The following SINHCAF variants were observed in gnomAD, a reference collection of about 807,000 sequenced individuals.
SINHCAF encodes SIN3-HDAC complex-associated factor.
In SINHCAF, 3 loss-of-function variants were observed where a neutral mutation model predicts 25.8. The observed-to-expected ratio is 0.12, with a 90% confidence interval of 0.05 to 0.30. The LOEUF (loss-of-function observed/expected upper bound fraction) is 0.30. Among genes scored for constraint, SINHCAF ranks in the 10% least tolerant of loss-of-function variants. The probability of loss-of-function intolerance (pLI) is 1.00; values close to 1 mark genes in which losing one functional copy is unlikely to be tolerated. For missense variants in SINHCAF, 121 were observed against 262.3 expected, an observed-to-expected ratio of 0.46 and a Z score of 3.72; for synonymous variants, 70 against 85.5, an observed-to-expected ratio of 0.82 and a Z score of 1.00.
intron 1 of SINHCAF, among the ~76,000 whole-genome samples, chr12:31,317,365 T>C (rs996501232): frequency 6.6e-6 from 1 of 151,582 alleles, no homozygotes; most frequent in Admixed American, 6.6e-5. Flanking sequence ...CACAAGATAG[T>C]TGAAGTGACT....
Position 31,325,241 on chromosome 12 carries a change from G to A in SINHCAF, c.-21+783C>T, listed in dbSNP as rs1469363812. 4.4e-6 allele frequency: 2 copies of A among 456,782 alleles called. No individual in the cohort carries two copies. Among genetic ancestry groups the A allele is most frequent in the East Asian group, 1.4e-4 (2 of 14,394 alleles). 28.3% of individuals were successfully genotyped at this position (456,782 alleles called of 1,614,324 possible). A position where few individuals can be genotyped will look rare whatever the true frequency, so the allele number is the denominator to read the frequency against. The stretch of plus-strand genomic sequence containing the variant: ...GTGAACGCACCGGGAGCAAAACTTC[G>A]GGCTCCGAAAGCACCCCGGACACCA... On this transcript the variant is annotated intron_variant, in intron 1 of 5. Transcript: ENST00000337682. This position sits in a 1 kb window ranked among gnomAD's most constrained non-coding sequence, Gnocchi z 5.9.
At chr12:31,300,015 T>C (rs1022777382) in intron 1 of SINHCAF, among the ~76,000 whole-genome samples, 2 of 152,234 alleles carry the variant, frequency 1.3e-5, no homozygotes, top group African/African-American at 2.4e-5. Context: ...CACCATCATA[T>C]ATGCAGTCTG....
chr12:31,298,850 TTAA>T (rs1277687604), intron 1 of SINHCAF, among the ~76,000 whole-genome samples: 2 of 152,084 alleles, frequency 1.3e-5, no homozygotes, highest in African/African-American at 4.8e-5. Context: ...AGGTTAGAAT[TTAA>T]TAATAATAAT....
At chr12:31,298,352 A>C in intron 1 of SINHCAF, 128 bp from the exon 2 acceptor site, 12 of 1,013,000 alleles carry the variant, frequency 1.2e-5, no homozygotes, top group Non-Finnish European at 1.4e-5. Context: ...CAGGCAGCTC[A>C]AGGGAAGACC....
At position 31,326,049 on chromosome 12, in the gene SINHCAF, C is replaced by T. The variant is rs899543050; in HGVS notation, c.-46G>A. 1 of 152,276 alleles carries T rather than the reference C, an allele frequency of 6.6e-6. No individual in the cohort carries two copies. Among genetic ancestry groups the T allele is most frequent in the African/African-American group, 2.4e-5 (1 of 41,446 alleles). 9.4% of individuals were successfully genotyped at this position (152,276 alleles called of 1,614,324 possible). ...CTTCCAAAAGCAGCCGTTCCACGCG[C>T]AATAATGTCCCCGAGGTGCGGAGTG... On this transcript the variant is annotated 5_prime_UTR_variant, in exon 1 of 6. Transcript: ENST00000337682.
rs376996705 is a variant in SINHCAF at position 31,282,691 on chromosome 12, C to T, written c.*21G>A. On this transcript the variant is annotated 3_prime_UTR_variant, in exon 6 of 6. Transcript: ENST00000337682. ...ATTCAGATATTTTTTTTTTTGTTCC[C>T]CTTCTACATAAAAACCTCAGTCACC... The T allele has an allele frequency of 2.0e-5, 31 of 1,525,666 alleles. No homozygotes were observed. The East Asian group carries it at 2.8e-4, about 14-fold the overall frequency. 94.5% of individuals were successfully genotyped at this position (1,525,666 alleles called of 1,614,324 possible). A position where few individuals can be genotyped will look rare whatever the true frequency, so the allele number is the denominator to read the frequency against.
chr12:31,286,355 C>A (rs915090489), intron 5 of SINHCAF, among the ~76,000 whole-genome samples: 1 of 152,030 alleles, frequency 6.6e-6, no homozygotes, highest in Non-Finnish European at 1.5e-5. Context: ...GAAGACAACA[C>A]CTTCCTTTAG....
At chr12:31,309,206 G>A (rs1205822840) in intron 1 of SINHCAF, among the ~76,000 whole-genome samples, 1 of 150,936 alleles carries the variant, frequency 6.6e-6, no homozygotes, top group African/African-American at 2.4e-5. Flanking sequence ...AGGTTAAGAA[G>A]CACTGGATAT....
At chr12:31,323,719 G>A (rs1592997277) in intron 1 of SINHCAF, among the ~76,000 whole-genome samples, 2 of 149,510 alleles carry the variant, frequency 1.3e-5, no homozygotes, top group East Asian at 4.0e-4. Flanking sequence ...AACACACAAA[G>A]AAACTGGCCG....
At chr12:31,298,489 G>A in intron 1 of SINHCAF, 2 of 366,978 alleles carry the variant, frequency 5.4e-6, no homozygotes, top group Non-Finnish European at 5.1e-6. Flanking sequence ...CTAAAAATGG[G>A]GAAGAGAAGC....
intron 1 of SINHCAF, chr12:31,303,119 T>C (rs1411815536): frequency 1.9e-5 from 19 of 985,420 alleles, no homozygotes; most frequent in Non-Finnish European, 2.3e-5. Flanking sequence ...TGCCTATTTA[T>C]GGGAGGTTCT....
chr12:31,285,412 T>TACAC (rs1259370271), intron 5 of SINHCAF, among the ~76,000 whole-genome samples: 10 of 66,464 alleles, frequency 1.5e-4, no homozygotes, highest in African/African-American at 7.0e-4. Flanking sequence ...TATTTATATA[T>TACAC]ATACATACAC....
At chr12:31,305,813 C>T (rs1300673686) in intron 1 of SINHCAF, among the ~76,000 whole-genome samples, 2 of 151,662 alleles carry the variant, frequency 1.3e-5, no homozygotes, top group African/African-American at 2.4e-5. Flanking sequence ...GATTCTCCTG[C>T]CTCAGCCTCC....
chr12:31,306,422 C>T (rs1043990804), intron 1 of SINHCAF, among the ~76,000 whole-genome samples: 22 of 152,112 alleles, frequency 1.4e-4, no homozygotes, highest in African/African-American at 5.3e-4. Flanking sequence ...AAATGTGTTC[C>T]ATGAGGGGTA....
intron 5 of SINHCAF, 97 bp from the exon 6 acceptor site, chr12:31,282,968 A>G: frequency 1.1e-6 from 1 of 889,086 alleles, no homozygotes; most frequent in Non-Finnish European, 1.6e-6. Context: ...CAATATAACC[A>G]AAGAGTTGTG....
chr12:31,295,764 C>T (rs980636108), intron 2 of SINHCAF, among the ~76,000 whole-genome samples: 17 of 151,554 alleles, frequency 1.1e-4, no homozygotes, highest in Admixed American at 4.6e-4. Flanking sequence ...CCCAGCTACT[C>T]AAGAGGCTTA....
intron 1 of SINHCAF, among the ~76,000 whole-genome samples, chr12:31,299,004 G>C (rs1317338577): frequency 6.6e-6 from 1 of 151,062 alleles, no homozygotes; most frequent in African/African-American, 2.4e-5. Flanking sequence ...AAATGTCCCA[G>C]AGACGTAGAG....
chr12:31,296,867 C>T (rs1938572027), intron 2 of SINHCAF: 1 of 296,716 alleles, frequency 3.4e-6, no homozygotes. Context: ...AACAAACCAA[C>T]AAACAAACAA....
At chr12:31,286,336 C>T (rs1255198174) in intron 5 of SINHCAF, among the ~76,000 whole-genome samples, 1 of 151,830 alleles carries the variant, frequency 6.6e-6, no homozygotes, top group Non-Finnish European at 1.5e-5. Context: ...TCCTTCTTTG[C>T]ACCACTAAGA....
Sources: allele counts gnomAD v4.1 joint callset (sites outside exome capture counted in the v4.1 genomes callset), GRCh38; gene constraint gnomAD v4.1.1; non-coding constraint Gnocchi (gnomAD v3.1); transcripts MANE v1.5; gene names NCBI Gene and HGNC (gene_info 2026-07-23, HGNC 2026-07-21).